The following RBFOX2 variants were observed in gnomAD, a reference collection of about 807,000 sequenced individuals.
RBFOX2 encodes RNA binding protein fox-1 homolog 2.
A neutral mutation model predicts 49.1 loss-of-function variants in RBFOX2; 10 were observed. That is an observed-to-expected ratio of 0.20 (90% CI 0.13 to 0.35). The LOEUF (loss-of-function observed/expected upper bound fraction) is 0.35, where lower values mean the gene tolerates loss of function less well. Ranked by LOEUF, RBFOX2 falls within the 10% of genes least tolerant of loss-of-function variation. The pLI is 1.00. For synonymous variants in RBFOX2, 183 were observed against 187.4 expected (o/e 0.98, Z 0.19); for missense variants, 323 against 486.9 (o/e 0.66, Z 3.17).
At chr22:35,874,623 T>A (rs922942846) in intron 1 of RBFOX2, among the ~76,000 whole-genome samples, 1 of 152,214 alleles carries the variant, frequency 6.6e-6, no homozygotes. Flanking sequence ...TAAGCTGGAA[T>A]GCATCATAGC....
intron 1 of RBFOX2, among the ~76,000 whole-genome samples, chr22:35,900,218 A>G (rs1165163906): frequency 6.6e-6 from 1 of 152,086 alleles, no homozygotes; most frequent in Non-Finnish European, 1.5e-5. Flanking sequence ...GGTTCAAGTG[A>G]TTCTCCTGTC....
At chr22:35,768,887 T>C (rs555606384) in intron 4 of RBFOX2, among the ~76,000 whole-genome samples, 12 of 152,314 alleles carry the variant, frequency 7.9e-5, no homozygotes, top group Non-Finnish European at 1.5e-4. Flanking sequence ...ACGTTGCCTG[T>C]TGCTTTTATC....
intron 1 of RBFOX2, among the ~76,000 whole-genome samples, chr22:35,927,656 T>TGAG (rs1414158720): frequency 7.2e-6 from 1 of 139,362 alleles, no homozygotes; most frequent in East Asian, 2.0e-4. Flanking sequence ...AGGGTAGTAA[T>TGAG]GAGAAACAGA....
chr22:35,993,699 G>A (rs1388928107), intron 1 of RBFOX2: 1 of 152,170 alleles, frequency 6.6e-6, no homozygotes, highest in East Asian at 1.9e-4. Context: ...CTAATAGGGA[G>A]GGTATGTTGT....
At chr22:35,900,280 T>A (rs2048408479) in intron 1 of RBFOX2, among the ~76,000 whole-genome samples, 1 of 151,994 alleles carries the variant, frequency 6.6e-6, no homozygotes, top group Non-Finnish European at 1.5e-5. Context: ...CACCCAGCTA[T>A]TTTTGTATTT....
At chr22:35,866,178 G>A (rs964897559) in intron 1 of RBFOX2, among the ~76,000 whole-genome samples, 1 of 152,156 alleles carries the variant, frequency 6.6e-6, no homozygotes, top group African/African-American at 2.4e-5. Context: ...AAAGACTTTT[G>A]GGGGTATACC....
At chr22:35,755,237 C>A (rs1397597535) in intron 9 of RBFOX2, among the ~76,000 whole-genome samples, 1 of 152,206 alleles carries the variant, frequency 6.6e-6, no homozygotes, top group African/African-American at 2.4e-5. Context: ...CTAAATCAAG[C>A]TTGCATTCAG....
intron 1 of RBFOX2, among the ~76,000 whole-genome samples, chr22:35,881,756 C>T (rs1225717832): frequency 6.6e-6 from 1 of 151,744 alleles, no homozygotes; most frequent in East Asian, 1.9e-4. Context: ...GTCAGGAGTT[C>T]GAGACCTGCC....
chr22:35,804,708 T>A (rs1452298253), intron 2 of RBFOX2, among the ~76,000 whole-genome samples: 2 of 151,700 alleles, frequency 1.3e-5, no homozygotes, highest in Admixed American at 6.6e-5. Context: ...CATTCCCAGA[T>A]AAACAAAAAC....
intron 1 of RBFOX2, chr22:35,995,196 G>A (rs963537743): frequency 3.3e-5 from 5 of 152,100 alleles, no homozygotes; most frequent in East Asian, 1.9e-4. Flanking sequence ...ACCTTTTTAC[G>A]TGATATTCCC....
At chr22:35,821,602 C>CAAAAAAAAA (rs1158936385) in intron 1 of RBFOX2, among the ~76,000 whole-genome samples, 4 of 36,450 alleles carry the variant, frequency 1.1e-4, no homozygotes, top group Non-Finnish European at 2.5e-4. Context: ...ACTCCGTCTC[C>CAAAAAAAAA]AAAAAAAAAA....
intron 1 of RBFOX2, among the ~76,000 whole-genome samples, chr22:35,915,225 G>C (rs534107132): frequency 1.1e-3 from 165 of 152,354 alleles, no homozygotes; most frequent in African/African-American, 3.8e-3. Context: ...GCAGGGCAGA[G>C]AGAAGGGAGG....
intron 1 of RBFOX2, among the ~76,000 whole-genome samples, chr22:35,902,523 G>A (rs2048706598): frequency 6.6e-6 from 1 of 152,052 alleles, no homozygotes. Flanking sequence ...ACGATGCCAA[G>A]CAATCCACCA....
intron 2 of RBFOX2, among the ~76,000 whole-genome samples, chr22:35,788,581 G>GA (rs925966555): frequency 3.3e-4 from 50 of 151,086 alleles, no homozygotes; most frequent in Admixed American, 6.6e-4. Context: ...TTATAGGTTG[G>GA]AAAAAAAAAT....
intron 1 of RBFOX2, among the ~76,000 whole-genome samples, chr22:36,014,271 C>T (rs1048315890): frequency 6.6e-5 from 10 of 151,866 alleles, no homozygotes; most frequent in Non-Finnish European, 1.3e-4. Context: ...TACAGGCACC[C>T]GCCACCACGC....
intron 6 of RBFOX2, among the ~76,000 whole-genome samples, chr22:35,764,694 A>G (rs2085188471): frequency 6.6e-6 from 1 of 152,132 alleles, no homozygotes; most frequent in African/African-American, 2.4e-5. Context: ...CTGAGACCTC[A>G]GAATTCAATC....
intron 1 of RBFOX2, among the ~76,000 whole-genome samples, chr22:36,009,890 A>T (rs1569522689): frequency 6.6e-6 from 1 of 152,172 alleles, no homozygotes; most frequent in African/African-American, 2.4e-5. Context: ...ACTGAGTTTT[A>T]GGTTACCAGG....
intron 2 of RBFOX2, among the ~76,000 whole-genome samples, chr22:35,801,103 A>G (rs1351291344): frequency 5.3e-5 from 8 of 152,194 alleles, no homozygotes; most frequent in Non-Finnish European, 7.4e-5. Context: ...CCATCTGTAA[A>G]AACTCTAATA....
intron 1 of RBFOX2, among the ~76,000 whole-genome samples, chr22:35,810,302 C>T (rs1951619958): frequency 1.3e-5 from 2 of 151,424 alleles, no homozygotes; most frequent in Non-Finnish European, 2.9e-5. Context: ...GGGCAAAAAT[C>T]TTTCCTTTAA....
Sources: gnomAD v4.1 joint callset for allele counts (sites outside exome capture counted in the v4.1 genomes callset) on GRCh38, gnomAD v4.1.1 for gene constraint, MANE v1.5 for transcripts, NCBI Gene and HGNC (gene_info 2026-07-23, HGNC 2026-07-21) for gene names.